RREB1: variants seen among roughly 807,000 people sequenced by gnomAD.
RREB1 encodes ras-responsive element-binding protein 1.
RREB1 carries 27 observed loss-of-function variants against 117.8 expected under a neutral mutation model. That is an observed-to-expected ratio of 0.23 (90% CI 0.17 to 0.32). The LOEUF (loss-of-function observed/expected upper bound fraction) is 0.32. RREB1 is among the 10% of genes least tolerant of loss of function. The probability of loss-of-function intolerance (pLI) is 1.00; values close to 1 mark genes in which losing one functional copy is unlikely to be tolerated. For synonymous variants in RREB1, 1,298 were observed against 1,026.7 expected, an observed-to-expected ratio of 1.26 and a Z score of -5.05; for missense variants, 2,577 against 2,378.2, an observed-to-expected ratio of 1.08 and a Z score of -1.74.
At chr6:7,221,069 G>A (rs1767219534) in intron 8 of RREB1, among the ~76,000 whole-genome samples, 1 of 152,200 alleles carries the variant, frequency 6.6e-6, no homozygotes, top group South Asian at 2.1e-4. Flanking sequence ...ACCTGATAGG[G>A]CTGATCCAAG....
chr6:7,108,158 G>C (rs936353064), intron 1 of RREB1, 98 bp downstream of exon 1: 1 of 152,180 alleles, frequency 6.6e-6, no homozygotes, highest in African/African-American at 2.4e-5. Flanking sequence ...TTGGGGATGG[G>C]GAGGGTGAAG....
chr6:7,224,437 A>G (rs1223824773), intron 8 of RREB1, among the ~76,000 whole-genome samples: 1 of 152,010 alleles, frequency 6.6e-6, no homozygotes, highest in East Asian at 1.9e-4. Flanking sequence ...TCAGTCCAAT[A>G]TAGATCTTTC....
At chr6:7,232,655 A>G (rs1389374551) in intron 10 of RREB1, among the ~76,000 whole-genome samples, 1 of 152,098 alleles carries the variant, frequency 6.6e-6, no homozygotes, top group Non-Finnish European at 1.5e-5. Flanking sequence ...CATGGAGCCC[A>G]TCAACCTGTC....
At position 7,122,413 on chromosome 6, in the gene RREB1, G is replaced by A. The variant is rs573894945; in HGVS notation, c.-285+14353G>A. Among the ~76,000 whole-genome samples the A allele has an allele frequency of 1.1e-3, 175 of 152,344 alleles. 1 individual carries two copies. In the Middle Eastern group the frequency reaches 0.048, roughly 41 times the overall value. ...CCTGAGTAGCTGGGACTACAGGCGG[G>A]CACCGCCATGCCTGGCTAATTTTTA... On this transcript the variant is annotated intron_variant, in intron 1 of 12. Transcript: ENST00000379938.
chr6:7,236,748 T>TA (rs1561802799), intron 10 of RREB1, among the ~76,000 whole-genome samples: 1 of 151,706 alleles, frequency 6.6e-6, no homozygotes, highest in Admixed American at 6.6e-5. Flanking sequence ...TTTTTTTTTT[T>TA]ATCTTGGAGG....
In RREB1 at chr6:7,230,518, C is replaced by G; in HGVS notation, c.2419C>G (p.His807Asp). The G allele has an allele frequency of 6.3e-7, 1 of 1,594,742 alleles. No individual in the cohort carries two copies. The highest frequency in any genetic ancestry group is 8.5e-7 in the Non-Finnish European group (1 of 1,176,230). ...AAFAAKRNCI[H>D]HILKQHLHVP... The stretch of plus-strand genomic sequence containing the variant: ...GTTCGCGGCCAAGCGCAACTGCATC[C>G]ACCACATCCTCAAGCAGCACCTGCA... Residue 807 changes from histidine to aspartate, a missense_variant, in exon 10 of 13, where the codon CAC becomes GAC. His to Asp is a moderately conservative substitution (Grantham distance 81). Transcript: ENST00000379938.
intron 6 of RREB1, among the ~76,000 whole-genome samples, chr6:7,203,150 C>A (rs1766078750): frequency 6.6e-6 from 1 of 152,108 alleles, no homozygotes; most frequent in Admixed American, 6.5e-5. Flanking sequence ...GGACTGCCAA[C>A]ACCTCTCTAC....
chr6:7,149,862 T>C (rs1199615383), intron 1 of RREB1, among the ~76,000 whole-genome samples: 1 of 152,140 alleles, frequency 6.6e-6, no homozygotes, highest in Non-Finnish European at 1.5e-5. Context: ...CTAATTTTTG[T>C]ATTTTTAGTA....
intron 2 of RREB1, among the ~76,000 whole-genome samples, chr6:7,178,487 C>T (rs1029780820): frequency 1.3e-5 from 2 of 152,182 alleles, no homozygotes; most frequent in African/African-American, 2.4e-5. Context: ...TTTTTTCTAA[C>T]GTAGAACAAT....
At chr6:7,211,338 A>ACGGATGGATG (rs1554124720) in intron 7 of RREB1, among the ~76,000 whole-genome samples, 3 of 118,674 alleles carry the variant, frequency 2.5e-5, no homozygotes, top group East Asian at 5.1e-4. Context: ...ATGGATGGAC[A>ACGGATGGATG]GATGGATGGA....
At chr6:7,237,920 A>C (rs1581586787) in intron 10 of RREB1, among the ~76,000 whole-genome samples, 1 of 152,306 alleles carries the variant, frequency 6.6e-6, no homozygotes, top group South Asian at 2.1e-4. Context: ...TTTAGCATTA[A>C]TAGGGACCTT....
intron 10 of RREB1, among the ~76,000 whole-genome samples, chr6:7,236,960 C>G (rs748072201): frequency 2.0e-4 from 29 of 142,790 alleles, no homozygotes; most frequent in Non-Finnish European, 3.2e-4. Flanking sequence ...CTGTGTGCAC[C>G]CTGGCTAGAG....
intron 1 of RREB1, among the ~76,000 whole-genome samples, chr6:7,137,204 C>T (rs1485193023): frequency 4.6e-5 from 7 of 152,202 alleles, no homozygotes; most frequent in African/African-American, 1.4e-4. Flanking sequence ...TGGGTGGAGG[C>T]GGCAGGAGCA....
intron 6 of RREB1, among the ~76,000 whole-genome samples, chr6:7,196,218 G>GTT (rs58448175): frequency 1.4e-4 from 17 of 121,452 alleles, no homozygotes; most frequent in Non-Finnish European, 1.8e-4. Context: ...TTTTTTTTTC[G>GTT]TTTTTTTTTT....
chr6:7,230,900 C>G lies in RREB1; in HGVS notation c.2801C>G (p.Pro934Arg). Residue 934 changes from proline (P) to arginine (R), a missense_variant, in exon 10 of 13, where the codon CCC becomes CGC. Physicochemically the swap from Pro to Arg is moderately radical, Grantham distance 103 (BLOSUM62 -2). Transcript: ENST00000379938. ...SLVPYDCSME[P>R]IDLSIPKNFR... is the part of the protein sequence containing the mutation. ...GTCCCCTATGACTGCTCCATGGAGC[C>G]CATCGACCTGTCCATCCCCAAGAAC... 6.2e-7 allele frequency: 1 copy of G among 1,614,140 alleles called. No individual in the cohort carries two copies. Among genetic ancestry groups the G allele is most frequent in the East Asian group, 2.2e-5 (1 of 44,884 alleles).
intron 1 of RREB1, among the ~76,000 whole-genome samples, chr6:7,114,478 G>GC (rs1463605768): frequency 2.0e-5 from 3 of 151,714 alleles, no homozygotes; most frequent in Non-Finnish European, 4.4e-5. Flanking sequence ...TGGGGGGGGG[G>GC]GCGGCAGCGG....
intron 1 of RREB1, among the ~76,000 whole-genome samples, chr6:7,167,602 G>A (rs1319136092): frequency 2.6e-5 from 4 of 152,066 alleles, no homozygotes; most frequent in Admixed American, 6.6e-5. Flanking sequence ...CAGTCTACCC[G>A]CCTCAGGCGT....
intron 6 of RREB1, among the ~76,000 whole-genome samples, chr6:7,195,300 A>G (rs970433307): frequency 6.6e-6 from 1 of 152,234 alleles, no homozygotes; most frequent in African/African-American, 2.4e-5. Flanking sequence ...GGGTTTTGGT[A>G]AATCACATAA....
At chr6:7,211,025 G>A in intron 7 of RREB1, 77 bp downstream of exon 7, 6 of 1,427,398 alleles carry the variant, frequency 4.2e-6, no homozygotes, top group Admixed American at 4.0e-5. Flanking sequence ...TATTTTCTCA[G>A]TGTGGAGACT....
Sources: gnomAD v4.1 joint callset for allele counts (sites outside exome capture counted in the v4.1 genomes callset) on GRCh38, gnomAD v4.1.1 for gene constraint, MANE v1.5 for transcripts, NCBI Gene and HGNC (gene_info 2026-07-23, HGNC 2026-07-21) for gene names.